Variants in DNAI1 observed in about 807,000 individuals in gnomAD.
DNAI1 encodes the protein dynein, axonemal, intermediate polypeptide 1.
DNAI1 carries 67 observed loss-of-function variants against 92.0 expected under a neutral mutation model. The ratio of observed to expected loss-of-function variants is 0.73; its 90% CI spans 0.60 to 0.89. The LOEUF (loss-of-function observed/expected upper bound fraction) is 0.89, where lower values mean the gene tolerates loss of function less well. DNAI1 is among the 40% of genes least tolerant of loss of function. The pLI is 0.00. For missense variants in DNAI1, 839 were observed against 866.6 expected (o/e 0.97, Z 0.40); for synonymous variants, 323 against 319.6 (o/e 1.01, Z -0.11).
intron 1 of DNAI1, among the ~76,000 whole-genome samples, chr9:34,468,688 G>T (rs896293939): frequency 6.6e-6 from 1 of 151,840 alleles, no homozygotes; most frequent in Admixed American, 6.6e-5. Flanking sequence ...TTAGCCAGGC[G>T]TGGTGGTATG....
chr9:34,459,247 C>T (rs1168343540), intron 1 of DNAI1, among the ~76,000 whole-genome samples, 194 bp downstream of exon 1: 2 of 151,962 alleles, frequency 1.3e-5, no homozygotes, highest in African/African-American at 4.8e-5. Flanking sequence ...GGCCTCCTCT[C>T]CCATACTACC....
At chr9:34,479,509 A>G (rs763288202) in intron 1 of DNAI1, among the ~76,000 whole-genome samples, 8 of 152,200 alleles carry the variant, frequency 5.3e-5, no homozygotes, top group Non-Finnish European at 1.0e-4. Context: ...GCCAAAAACA[A>G]TTACACTCAA....
chr9:34,474,073 A>T (rs1444800761), intron 1 of DNAI1, among the ~76,000 whole-genome samples: 1 of 152,096 alleles, frequency 6.6e-6, no homozygotes, highest in Non-Finnish European at 1.5e-5. Context: ...TCTTTTAAAA[A>T]TATGCATAAC....
At position 34,484,915 on chromosome 9, in the gene DNAI1, C is replaced by A. The variant is rs1018812862; in HGVS notation, c.82-227C>A. On this transcript the variant is annotated intron_variant, in intron 2 of 19. Coordinates refer to ENST00000242317, the MANE Select transcript of DNAI1 (RefSeq NM_012144.4). ...CCTACCACAACATTCCAAGTTCCAG[C>A]TAAGCCTGACCCCCAGGGCAGAGGT... 4.8e-5 allele frequency: 24 copies of A among 497,578 alleles called. No homozygotes were observed. In the East Asian group the frequency reaches 9.5e-4, roughly 20 times the overall value. 30.8% of individuals were successfully genotyped at this position (497,578 alleles called of 1,614,324 possible).
intron 10 of DNAI1, 111 bp from the exon 11 acceptor site, chr9:34,500,611 C>T: frequency 1.3e-6 from 1 of 743,274 alleles, no homozygotes; most frequent in South Asian, 1.5e-5. Context: ...TATTCCCACT[C>T]TAAAACAGAG....
At chr9:34,471,122 T>G (rs1312633014) in intron 1 of DNAI1, among the ~76,000 whole-genome samples, 1 of 152,130 alleles carries the variant, frequency 6.6e-6, no homozygotes, top group Non-Finnish European at 1.5e-5. Flanking sequence ...GGTATAGTTT[T>G]AAACGCTGTA....
chr9:34,505,510 G>A (rs1408072289), intron 12 of DNAI1, among the ~76,000 whole-genome samples: 1 of 152,194 alleles, frequency 6.6e-6, no homozygotes, highest in Non-Finnish European at 1.5e-5. Flanking sequence ...CATATTTACA[G>A]GCTCAGGGGA....
rs75907723 is a variant in DNAI1 at position 34,465,813 on chromosome 9, T to A, written c.48+6760T>A. ...GAAATTGTTTTCTGCCAGTTAGGAATTTGTATCAAGTGTTCAATCTTTGCA... is the reference window on the plus strand; with the variant it reads ...GAAATTGTTTTCTGCCAGTTAGGAAATTGTATCAAGTGTTCAATCTTTGCA... On this transcript the variant is annotated intron_variant, in intron 1 of 19. Transcript: ENST00000242317. 4.3e-3 allele frequency among the ~76,000 whole-genome samples: 650 copies of A among 152,352 alleles called. 4 individuals are homozygous for A. Among genetic ancestry groups the A allele is most frequent in the Non-Finnish European group, 7.4e-3 (502 of 68,030 alleles).
In DNAI1 at chr9:34,469,901, G is replaced by T. The variant is rs150769423; in HGVS notation, c.48+10848G>T. Reference sequence around the variant, plus strand: ...AGCCCTTCTATTAATTTTCTTAAAAGACAGATGACTGTTTAAAGCAAAAAA... The same window carrying T: ...AGCCCTTCTATTAATTTTCTTAAAATACAGATGACTGTTTAAAGCAAAAAA... On this transcript the variant is annotated intron_variant, in intron 1 of 19. Transcript: ENST00000242317. Among the ~76,000 whole-genome samples the T allele has an allele frequency of 3.4e-3, 518 of 152,252 alleles. 2 individuals carry two copies. Among genetic ancestry groups the T allele is most frequent in the African/African-American group, 0.012 (478 of 41,554 alleles).
In DNAI1 at chr9:34,518,629, T is replaced by C. The variant is rs567871904; in HGVS notation, c.2001+1162T>C. ...GAAGGAGGAAGCATAATTTGTGGAA[T>C]AGATAAAATGTGTTCTTAATTTTCT... On this transcript the variant is annotated intron_variant, in intron 19 of 19. Transcript: ENST00000242317. 3.9e-5 allele frequency among the ~76,000 whole-genome samples: 6 copies of C among 152,350 alleles called. No homozygotes were observed. In the East Asian group the frequency reaches 7.7e-4, roughly 20 times the overall value.
chr9:34,496,507 G>A (rs1312360949), intron 9 of DNAI1, among the ~76,000 whole-genome samples: 2 of 152,182 alleles, frequency 1.3e-5, no homozygotes, highest in Non-Finnish European at 2.9e-5. Flanking sequence ...GATGAGTCAC[G>A]TTTTCCTGAA....
intron 1 of DNAI1, among the ~76,000 whole-genome samples, chr9:34,468,173 A>G (rs1215588640): frequency 6.7e-6 from 1 of 149,708 alleles, no homozygotes; most frequent in Non-Finnish European, 1.5e-5. Context: ...TCTGAAGAAC[A>G]GAGAGGAAGA....
At chr9:34,491,239 G>A (rs1432982722) in intron 7 of DNAI1, 4 of 565,916 alleles carry the variant, frequency 7.1e-6, no homozygotes, top group Non-Finnish European at 1.3e-5. Flanking sequence ...CTGTATCTTG[G>A]TTAAAATGGG....
intron 1 of DNAI1, among the ~76,000 whole-genome samples, chr9:34,477,181 A>G (rs1187047037): frequency 4.6e-5 from 7 of 152,018 alleles, no homozygotes; most frequent in Non-Finnish European, 1.0e-4. Flanking sequence ...ACACCCAACT[A>G]ATTAAAAAAA....
chr9:34,488,207 A>G (rs1391523335), intron 4 of DNAI1: 1 of 207,278 alleles, frequency 4.8e-6, no homozygotes, highest in Non-Finnish European at 1.0e-5. Flanking sequence ...GCCTTCTTTT[A>G]TAGATGAAGA....
chr9:34,467,495 AG>A (rs747762830), intron 1 of DNAI1, among the ~76,000 whole-genome samples: 45 of 150,966 alleles, frequency 3.0e-4, no homozygotes, highest in Non-Finnish European at 6.0e-4. Context: ...CAAATTAGCC[AG>A]GTTGCATGCA....
At chr9:34,485,389 G>T (rs573618610) in intron 3 of DNAI1, 48 bp from the exon 4 acceptor site, 1 of 1,605,642 alleles carries the variant, frequency 6.2e-7, no homozygotes, top group South Asian at 1.1e-5. Flanking sequence ...CCTCAGATAG[G>T]GTTGGGGGGT....
At chr9:34,475,196 C>G (rs933903081) in intron 1 of DNAI1, among the ~76,000 whole-genome samples, 5 of 152,138 alleles carry the variant, frequency 3.3e-5, no homozygotes, top group Non-Finnish European at 7.3e-5. Flanking sequence ...AGCTTTTAAC[C>G]TTTTAGAAAC....
intron 1 of DNAI1, among the ~76,000 whole-genome samples, chr9:34,464,116 C>T (rs1823995963): frequency 6.6e-6 from 1 of 152,136 alleles, no homozygotes; most frequent in East Asian, 1.9e-4. Context: ...TGCCACCTCC[C>T]TAGCCCAGCT....
Sources: allele counts gnomAD v4.1 joint callset (sites outside exome capture counted in the v4.1 genomes callset), GRCh38; gene constraint gnomAD v4.1.1; transcripts MANE v1.5; gene names NCBI Gene and HGNC (gene_info 2026-07-23, HGNC 2026-07-21).